DIP2C: variants seen among roughly 807,000 people sequenced by gnomAD.
The protein encoded by DIP2C is disco-interacting protein 2 homolog C.
Under a neutral mutation model 192.4 loss-of-function variants are expected in DIP2C, and 33 were observed. The observed-to-expected ratio is 0.17, with a 90% CI of 0.13 to 0.23. The LOEUF (loss-of-function observed/expected upper bound fraction) is 0.23, where lower values mean the gene tolerates loss of function less well. DIP2C is among the 10% of genes least tolerant of loss of function. The probability of loss-of-function intolerance (pLI) is 1.00; values close to 1 mark genes in which losing one functional copy is unlikely to be tolerated. For synonymous variants in DIP2C, 979 were observed against 864.1 expected, an observed-to-expected ratio of 1.13 and a Z score of -2.33; for missense variants, 1,537 against 2,110.1, an observed-to-expected ratio of 0.73 and a Z score of 5.32.
intron 36 of DIP2C, among the ~76,000 whole-genome samples, chr10:278,805 GAACT>G (rs1209919186): frequency 1.3e-5 from 2 of 152,186 alleles, no homozygotes; most frequent in South Asian, 2.1e-4. Context: ...ATGGCTTTTG[GAACT>G]AACTGTTTAA....
intron 1 of DIP2C, among the ~76,000 whole-genome samples, chr10:580,468 C>T (rs1382730706): frequency 2.6e-5 from 4 of 152,110 alleles, no homozygotes; most frequent in East Asian, 3.9e-4. Flanking sequence ...TACACATATG[C>T]AGTACAGATA....
At chr10:575,042 G>A (rs1418133763) in intron 1 of DIP2C, among the ~76,000 whole-genome samples, 4 of 152,034 alleles carry the variant, frequency 2.6e-5, no homozygotes, top group Non-Finnish European at 5.9e-5. Context: ...CTCACAAACT[G>A]GTATCAATCA....
rs187768901 is a variant in DIP2C, at chr10:397,431, G to A, written c.1260+1678C>T. ...TGTAATCTCAGCTACTCAGGAGGCT[G>A]AGGGAGGAGAATCGCTTGAACCCGA... is the stretch of plus-strand genomic sequence containing the variant. On this transcript the variant is annotated intron_variant, in intron 10 of 36. Coordinates refer to ENST00000280886, the MANE Select transcript of DIP2C (RefSeq NM_014974.3). Among the ~76,000 whole-genome samples the A allele has an allele frequency of 1.2e-3, 176 of 152,286 alleles. 1 individual carries two copies. The highest frequency in any genetic ancestry group is 3.5e-3 in the Admixed American group (53 of 15,294).
intron 4 of DIP2C, among the ~76,000 whole-genome samples, chr10:426,305 C>T (rs1218964510): frequency 6.6e-6 from 1 of 152,066 alleles, no homozygotes; most frequent in Non-Finnish European, 1.5e-5. Flanking sequence ...AAAATGTGTA[C>T]ACTGACAACT....
intron 2 of DIP2C, among the ~76,000 whole-genome samples, chr10:477,681 G>A (rs1258585613): frequency 4.3e-5 from 6 of 141,042 alleles, no homozygotes; most frequent in African/African-American, 1.5e-4. Flanking sequence ...TGAATAGATA[G>A]GAGGAAAGCG....
intron 9 of DIP2C, among the ~76,000 whole-genome samples, 157 bp from the exon 10 acceptor site, chr10:399,376 A>G (rs1301539772): frequency 1.3e-5 from 2 of 152,212 alleles, no homozygotes; most frequent in African/African-American, 2.4e-5. Flanking sequence ...TAAGCATCAC[A>G]CACCCGGCCT....
chr10:417,768 C>A (rs1317779985), intron 6 of DIP2C, among the ~76,000 whole-genome samples: 1 of 125,278 alleles, frequency 8.0e-6, no homozygotes, highest in African/African-American at 3.4e-5. Flanking sequence ...CCCTGTCCAC[C>A]TGCACCTGTC....
chr10:612,234 G>A (rs924353176), intron 1 of DIP2C, among the ~76,000 whole-genome samples: 1 of 151,912 alleles, frequency 6.6e-6, no homozygotes, highest in African/African-American at 2.4e-5. Context: ...CGAGGTTGCA[G>A]TGAGCCAAGG....
chr10:389,995 C>T lies in DIP2C; in HGVS notation c.1593G>A (p.Thr531=), dbSNP rs758108755. 5.6e-6 allele frequency: 9 copies of T among 1,612,334 alleles called. No homozygotes were observed. The highest frequency in any genetic ancestry group is 2.2e-5 in the East Asian group (1 of 44,890). ...CQALTQACGY[T]EAETIVNVLD... ...AGTCAGGGTCTGGCACCCCACCTTC[C>T]GTGTAGCCACACGCCTGCGTCAGGG... Residue 531 remains threonine (T), a synonymous_variant, in exon 13 of 37, where the codon ACG becomes ACA. Transcript: ENST00000280886.
intron 1 of DIP2C, among the ~76,000 whole-genome samples, chr10:573,297 T>C (rs1564213245): frequency 1.3e-5 from 2 of 152,030 alleles, no homozygotes; most frequent in Admixed American, 6.5e-5. Context: ...TACAATGTAA[T>C]GAAAAAACAG....
intron 1 of DIP2C, among the ~76,000 whole-genome samples, chr10:603,131 T>TATGA (rs1470950153): frequency 2.6e-5 from 4 of 151,944 alleles, no homozygotes; most frequent in Non-Finnish European, 4.4e-5. Flanking sequence ...TTTGTGTTAA[T>TATGA]AAAGTCTGCA....
At chr10:556,591 C>CA (rs1848886966) in intron 1 of DIP2C, among the ~76,000 whole-genome samples, 1 of 151,474 alleles carries the variant, frequency 6.6e-6, no homozygotes, top group Admixed American at 6.6e-5. Context: ...AACGTGTCAC[C>CA]ATCTGCTATA....
At chr10:558,300 A>G (rs905111602) in intron 1 of DIP2C, among the ~76,000 whole-genome samples, 3 of 152,058 alleles carry the variant, frequency 2.0e-5, no homozygotes, top group African/African-American at 7.2e-5. Flanking sequence ...CTGTCTCCAA[A>G]CCCACCTCCC....
At chr10:406,125 T>A (rs1164297385) in intron 9 of DIP2C, among the ~76,000 whole-genome samples, 1 of 152,214 alleles carries the variant, frequency 6.6e-6, no homozygotes, top group Non-Finnish European at 1.5e-5. Flanking sequence ...TATGGAAACT[T>A]CAAGTATCTG....
intron 17 of DIP2C, among the ~76,000 whole-genome samples, chr10:380,636 C>T (rs182871315): frequency 8.9e-4 from 135 of 152,328 alleles, no homozygotes; most frequent in Admixed American, 1.7e-3. Flanking sequence ...ACTTGTCTTT[C>T]TTCTTTAAAA....
intron 14 of DIP2C, among the ~76,000 whole-genome samples, chr10:387,189 A>AGAT (rs959896941): frequency 2.0e-5 from 3 of 152,216 alleles, no homozygotes; most frequent in Admixed American, 1.3e-4. Flanking sequence ...GCGGGAAGAA[A>AGAT]GATAATGATC....
At chr10:444,334 TCCA>T (rs1967982211) in intron 3 of DIP2C, among the ~76,000 whole-genome samples, 1 of 115,624 alleles carries the variant, frequency 8.6e-6, no homozygotes. Flanking sequence ...GTGTAGATTC[TCCA>T]CCGTCACATG....
chr10:445,910 A>C (rs1326445827), intron 3 of DIP2C, among the ~76,000 whole-genome samples: 1 of 151,798 alleles, frequency 6.6e-6, no homozygotes, highest in Admixed American at 6.6e-5. Flanking sequence ...CCATCTGTAT[A>C]CATCTGTTGT....
intron 1 of DIP2C, among the ~76,000 whole-genome samples, chr10:583,033 T>C (rs942228747): frequency 4.6e-5 from 7 of 152,372 alleles, no homozygotes; most frequent in Middle Eastern, 3.4e-3. Context: ...TTTATGGCAG[T>C]TGCCACATAT....
Sources: allele counts gnomAD v4.1 joint callset (sites outside exome capture counted in the v4.1 genomes callset), GRCh38; gene constraint gnomAD v4.1.1; transcripts MANE v1.5; gene names NCBI Gene and HGNC (gene_info 2026-07-23, HGNC 2026-07-21).